The following FAXC variants were observed in gnomAD, a reference collection of about 807,000 sequenced individuals.
FAXC encodes the protein failed axon connections homolog.
FAXC carries 10 observed loss-of-function variants against 41.9 expected under a neutral mutation model. The observed-to-expected ratio is 0.24, with a 90% CI of 0.15 to 0.41. The LOEUF is 0.41. Ranked by LOEUF, FAXC falls within the 10% of genes least tolerant of loss-of-function variation. FAXC has a pLI of 1.00. For missense variants in FAXC, 399 were observed against 510.9 expected (o/e 0.78, Z 2.11); for synonymous variants, 183 against 183.8 (o/e 1.00, Z 0.03).
intron 4 of FAXC, among the ~76,000 whole-genome samples, chr6:99,298,718 C>G (rs1371259703): frequency 6.6e-6 from 1 of 152,154 alleles, no homozygotes; most frequent in African/African-American, 2.4e-5. Context: ...GATCTCTGTC[C>G]TTTCTCAAAA....
At position 99,281,263 on chromosome 6, in the gene FAXC, G is replaced by T. The variant is rs1049262128; in HGVS notation, c.1131C>A (p.Asn377Lys). 6.2e-7 allele frequency: 1 copy of T among 1,614,074 alleles called. No individual in the cohort carries two copies. The change falls in exon 6 of 6, where the codon AAC becomes AAA. Residue 377 changes from asparagine (N) to lysine (K), a missense_variant. By Grantham distance (94) the Asn-to-Lys change is moderately conservative (BLOSUM62 0). This residue lies in a region of FAXC where 92 missense variants were observed against 94.9 expected (regional missense o/e 0.97). Coordinates refer to ENST00000389677, the MANE Select transcript of FAXC (RefSeq NM_032511.4). ...TETFEDEGAENSFSRTPDTDF... is the reference protein window; with the variant it reads ...TETFEDEGAEKSFSRTPDTDF... The stretch of plus-strand genomic sequence containing the variant: ...CTGTGTCTGGGGTTCTGGAAAAACT[G>T]TTTTCTGCTCCCTCATCTTCAAAGG...
At chr6:99,340,262 A>G (rs1773374571) in intron 2 of FAXC, among the ~76,000 whole-genome samples, 1 of 151,596 alleles carries the variant, frequency 6.6e-6, no homozygotes, top group African/African-American at 2.4e-5. Flanking sequence ...ACTACCGCCC[A>G]GCTAATTTTT....
At chr6:99,291,526 C>T (rs1771240326) in intron 5 of FAXC, among the ~76,000 whole-genome samples, 178 bp downstream of exon 5, 1 of 152,220 alleles carries the variant, frequency 6.6e-6, no homozygotes, top group African/African-American at 2.4e-5. Context: ...CCCAGTCTCT[C>T]TTCCACCCCA....
At chr6:99,306,750 T>G (rs936096435) in intron 4 of FAXC, among the ~76,000 whole-genome samples, 1 of 152,222 alleles carries the variant, frequency 6.6e-6, no homozygotes, top group African/African-American at 2.4e-5. Flanking sequence ...TTTACAAGCT[T>G]GGTGTCCCTG....
At chr6:99,339,003 C>T (rs1373069101) in intron 2 of FAXC, among the ~76,000 whole-genome samples, 1 of 152,240 alleles carries the variant, frequency 6.6e-6, no homozygotes, top group Non-Finnish European at 1.5e-5. Flanking sequence ...CATTATAGCA[C>T]TTACCAAACT....
rs1770417575 is a variant in FAXC, at chr6:99,271,982, T to C, written c.*9182A>G. The stretch of plus-strand genomic sequence containing the variant: ...ATGTGTGAATCACTTCATAGTAAGA[T>C]TTGAATTTCCAAAATCTTGCTGTGA... On this transcript the variant is annotated 3_prime_UTR_variant, in exon 6 of 6. Transcript: ENST00000389677. 1 of 152,178 alleles carries C rather than the reference T, an allele frequency of 6.6e-6. No individual in the cohort carries two copies. The highest frequency in any genetic ancestry group is 6.5e-5 in the Admixed American group (1 of 15,280). The allele number at this position is 152,178 out of a possible 1,614,324, so 9.4% of individuals were successfully genotyped here. A position where few individuals can be genotyped will look rare whatever the true frequency, so the allele number is the denominator to read the frequency against.
At chr6:99,287,818 CAGT>C (rs1393838838) in intron 5 of FAXC, among the ~76,000 whole-genome samples, 1 of 152,078 alleles carries the variant, frequency 6.6e-6, no homozygotes, top group Non-Finnish European at 1.5e-5. Flanking sequence ...CAAATTACAG[CAGT>C]AGTAGTTTGG....
chr6:99,329,250 T>C (rs1331936043), intron 3 of FAXC, among the ~76,000 whole-genome samples: 1 of 152,100 alleles, frequency 6.6e-6, no homozygotes, highest in Non-Finnish European at 1.5e-5. Flanking sequence ...AAAAATGGGG[T>C]CAAAGAGATT....
At chr6:99,341,652 A>G (rs1773431498) in intron 2 of FAXC, among the ~76,000 whole-genome samples, 1 of 152,228 alleles carries the variant, frequency 6.6e-6, no homozygotes, top group Non-Finnish European at 1.5e-5. Context: ...AGACAAATCA[A>G]CAGATACACT....
chr6:99,346,568 T>TG lies in FAXC; in HGVS notation c.266+2538_266+2539insC, dbSNP rs1467490037. Among the ~76,000 whole-genome samples, 64 of 137,764 alleles carry TG rather than the reference T, an allele frequency of 4.6e-4. 1 individual carries two copies. Among genetic ancestry groups the TG allele is most frequent in the African/African-American group, 1.6e-3 (56 of 35,148 alleles). 90.4% of individuals were successfully genotyped at this position (137,764 alleles called of 152,430 possible). A position where few individuals can be genotyped will look rare whatever the true frequency, so the allele number is the denominator to read the frequency against. ...CACGCCAGGCTAATTTTTGTGGGGTTTTTTTGTTTGTTTTTTAGTAGACGG... is the reference window on the plus strand; with the variant it reads ...CACGCCAGGCTAATTTTTGTGGGGTTGTTTTTGTTTGTTTTTTAGTAGACGG... On this transcript the variant is annotated intron_variant, in intron 1 of 5. Coordinates refer to ENST00000389677, the MANE Select transcript of FAXC (RefSeq NM_032511.4).
intron 4 of FAXC, among the ~76,000 whole-genome samples, chr6:99,313,433 T>TA (rs1303123792): frequency 6.6e-6 from 1 of 152,250 alleles, no homozygotes; most frequent in Non-Finnish European, 1.5e-5. Context: ...TATTTATTTA[T>TA]AAAAGCTCTT....
intron 4 of FAXC, among the ~76,000 whole-genome samples, chr6:99,296,282 G>T (rs906210138): frequency 6.6e-6 from 1 of 152,046 alleles, no homozygotes; most frequent in African/African-American, 2.4e-5. Context: ...TCACGACCAG[G>T]GGGTTTTGGC....
chr6:99,305,691 A>G (rs1771891077), intron 4 of FAXC, among the ~76,000 whole-genome samples: 1 of 135,774 alleles, frequency 7.4e-6, no homozygotes, highest in African/African-American at 2.8e-5. Context: ...TATATTATAC[A>G]TATATGCATA....
At chr6:99,316,893 T>C (rs935506161) in intron 4 of FAXC, among the ~76,000 whole-genome samples, 2 of 152,196 alleles carry the variant, frequency 1.3e-5, no homozygotes, top group Non-Finnish European at 2.9e-5. Flanking sequence ...TTATACATGC[T>C]TAGGAAGGTG....
chr6:99,336,257 T>TC (rs1159057279), intron 2 of FAXC, among the ~76,000 whole-genome samples: 25 of 152,126 alleles, frequency 1.6e-4, no homozygotes, highest in African/African-American at 4.8e-4. Flanking sequence ...TTTCTTTTTT[T>TC]CTCCCTTTAA....
intron 4 of FAXC, among the ~76,000 whole-genome samples, chr6:99,302,788 A>G (rs1771765201): frequency 6.6e-6 from 1 of 152,320 alleles, no homozygotes; most frequent in Non-Finnish European, 1.5e-5. Flanking sequence ...GCCTACCACA[A>G]GAAGAAAACA....
chr6:99,308,389 A>T (rs1455971033), intron 4 of FAXC, among the ~76,000 whole-genome samples: 1 of 152,240 alleles, frequency 6.6e-6, no homozygotes, highest in Non-Finnish European at 1.5e-5. Flanking sequence ...TTTGAGTAGT[A>T]AGATCTGATA....
intron 2 of FAXC, among the ~76,000 whole-genome samples, chr6:99,338,102 C>T (rs1006949691): frequency 6.6e-5 from 10 of 152,194 alleles, no homozygotes; most frequent in Non-Finnish European, 1.0e-4. Flanking sequence ...ACCGTTGCAA[C>T]ACAGCATCCC....
intron 1 of FAXC, among the ~76,000 whole-genome samples, chr6:99,347,970 T>C (rs566121377): frequency 6.6e-6 from 1 of 152,332 alleles, no homozygotes; most frequent in South Asian, 2.1e-4. Context: ...AACCAATACA[T>C]TTCTCCAAAC....
Sources: allele counts gnomAD v4.1 joint callset (sites outside exome capture counted in the v4.1 genomes callset), GRCh38; gene constraint gnomAD v4.1.1; regional missense constraint gnomAD v4.1.1; transcripts MANE v1.5; gene names NCBI Gene and HGNC (gene_info 2026-07-23, HGNC 2026-07-21).